GNL3L: variants seen among roughly 807,000 people sequenced by gnomAD.
GNL3L encodes G protein nucleolar 3 like.
In GNL3L, 4 loss-of-function variants were observed where a neutral mutation model predicts 42.9. The ratio of observed to expected loss-of-function variants is 0.09; its 90% CI spans 0.05 to 0.21. The LOEUF is 0.21. Ranked by LOEUF, GNL3L falls within the 10% of genes least tolerant of loss-of-function variation. The pLI, the probability that GNL3L is intolerant of heterozygous loss-of-function variation, is 1.00. For missense variants in GNL3L, 412 were observed against 481.7 expected (o/e 0.86, Z 1.36); for synonymous variants, 159 against 176.3 (o/e 0.90, Z 0.78).
intron 16 of GNL3L, among the ~76,000 whole-genome samples, chrX:54,592,677 A>C (rs1006302897): frequency 9.1e-6 from 1 of 110,425 alleles, no homozygotes; most frequent in Non-Finnish European, 1.9e-5. Context: ...TTAGCCAGGC[A>C]TGTGGCAGGT....
chrX:54,608,600 C>T lies in GNL3L; in HGVS notation c.*46-12245C>T, dbSNP rs190015541. On this transcript the variant is annotated intron_variant, in intron 16 of 16. Coordinates refer to the GNL3L transcript ENST00000674498. ...GCTCCCACATATCAGTGAGAACATACGATACTTGGTTTTCCATTCTTGAGT... is the reference window on the plus strand; with the variant it reads ...GCTCCCACATATCAGTGAGAACATATGATACTTGGTTTTCCATTCTTGAGT... Among the ~76,000 whole-genome samples, 392 of 110,994 alleles carry T rather than the reference C, an allele frequency of 3.5e-3. 2 individuals carry two copies. The highest frequency in any genetic ancestry group is 0.012 in the African/African-American group (362 of 30,566).
At position 54,547,386 on chromosome X, in the gene GNL3L, G is replaced by C. The variant is rs1368206475; in HGVS notation, c.631-843G>C. ...CTGTTTCTTATTGATGGATATATAG[G>C]CTAATTCCAATTTTGTGATATTGGA... is the stretch of plus-strand genomic sequence containing the variant. On this transcript the variant is annotated intron_variant, in intron 8 of 15. Coordinates refer to ENST00000360845, the MANE Select transcript of GNL3L (RefSeq NM_001184819.2). Among the ~76,000 whole-genome samples the C allele has an allele frequency of 4.5e-5, 5 of 111,236 alleles. No individual in the cohort carries two copies. In the East Asian group the frequency reaches 1.4e-3, roughly 32 times the overall value.
the GNL3L span, among the ~76,000 whole-genome samples, chrX:54,631,241 G>C: frequency 4.2e-4 from 47 of 111,538 alleles, no homozygotes; most frequent in Non-Finnish European, 8.7e-4. Context: ...GTAAATATCT[G>C]TTAAATCCAT....
chrX:54,595,773 C>T (rs923224013), intron 16 of GNL3L, among the ~76,000 whole-genome samples: 4 of 111,860 alleles, frequency 3.6e-5, no homozygotes, highest in African/African-American at 1.3e-4. Flanking sequence ...AGCCTGTTCT[C>T]AAACTTACTA....
At chrX:54,548,410 T>C (rs1424978676) in intron 9 of GNL3L, 37 bp downstream of exon 9, 1 of 1,119,066 alleles carries the variant, frequency 8.9e-7, no homozygotes, top group Non-Finnish European at 1.2e-6. Flanking sequence ...CTCAGGCTTC[T>C]TTCTTGAGCG....
intron 8 of GNL3L, among the ~76,000 whole-genome samples, chrX:54,546,156 C>T (rs1468508285): frequency 3.5e-5 from 4 of 112,679 alleles, no homozygotes; most frequent in East Asian, 2.8e-4. Flanking sequence ...CCACTGCACT[C>T]GGCCTTCTTC....
At chrX:54,622,308 G>A (rs1239051091), downstream of GNL3L, among the ~76,000 whole-genome samples, 1 of 81,238 alleles carries the variant, frequency 1.2e-5, no homozygotes, top group Non-Finnish European at 2.2e-5. Flanking sequence ...TTTTGGAGAC[G>A]GAGTCTTGCT....
At chrX:54,616,820 G>T (rs1790903546) in intron 16 of GNL3L, among the ~76,000 whole-genome samples, 1 of 111,865 alleles carries the variant, frequency 8.9e-6, no homozygotes, top group South Asian at 3.7e-4. Flanking sequence ...AATAGTATGA[G>T]CTTGTAAGGG....
chrX:54,580,939 C>G (rs750631567), intron 16 of GNL3L, among the ~76,000 whole-genome samples: 1 of 111,223 alleles, frequency 9.0e-6, no homozygotes, highest in Non-Finnish European at 1.9e-5. Flanking sequence ...TGCCACCACA[C>G]CTGGCTAATT....
chrX:54,557,374 C>G (rs1925126318), intron 14 of GNL3L, among the ~76,000 whole-genome samples: 1 of 109,486 alleles, frequency 9.1e-6, no homozygotes. Flanking sequence ...GCAATCCCCC[C>G]ACCTCAGCCT....
chrX:54,587,070 G>T (rs757892889), intron 16 of GNL3L, among the ~76,000 whole-genome samples: 17 of 111,500 alleles, frequency 1.5e-4, no homozygotes, highest in Non-Finnish European at 2.6e-4. Context: ...ACTGCCCAAC[G>T]GTTTGAGAAC....
At chrX:54,611,524 T>TC (rs1392658118) in intron 16 of GNL3L, among the ~76,000 whole-genome samples, 2 of 111,829 alleles carry the variant, frequency 1.8e-5, no homozygotes, top group Non-Finnish European at 3.8e-5. Context: ...CTTTGCTGTA[T>TC]CCCCAAGGTT....
chrX:54,639,887 G>C, the GNL3L span, among the ~76,000 whole-genome samples: 4 of 110,066 alleles, frequency 3.6e-5, no homozygotes, highest in Non-Finnish European at 7.6e-5. Context: ...CCCAGGCTGA[G>C]ACGCCTACTA....
chrX:54,547,000 C>CTT (rs748207972), intron 8 of GNL3L, among the ~76,000 whole-genome samples: 6 of 91,903 alleles, frequency 6.5e-5, no homozygotes, highest in Non-Finnish European at 1.3e-4. Flanking sequence ...TTTTTTTTTT[C>CTT]TTTTTTTTTT....
intron 16 of GNL3L, among the ~76,000 whole-genome samples, chrX:54,598,824 G>A (rs539147717): frequency 9.0e-6 from 1 of 111,279 alleles, no homozygotes; most frequent in Non-Finnish European, 1.9e-5. Context: ...AATATAAATC[G>A]CAAGATATAA....
At chrX:54,549,015 A>T (rs1347159295) in intron 9 of GNL3L, among the ~76,000 whole-genome samples, 1 of 111,590 alleles carries the variant, frequency 9.0e-6, no homozygotes, top group Non-Finnish European at 1.9e-5. Flanking sequence ...AGATACAATC[A>T]GAAACACCAA....
chrX:54,549,453 C>T (rs1924867236), intron 9 of GNL3L, among the ~76,000 whole-genome samples: 1 of 112,373 alleles, frequency 8.9e-6, no homozygotes, highest in Admixed American at 9.4e-5. Flanking sequence ...AGCCCCAGCA[C>T]TTTGGGAGGC....
At chrX:54,576,951 G>A (rs750959079) in intron 16 of GNL3L, among the ~76,000 whole-genome samples, 18 of 111,516 alleles carry the variant, frequency 1.6e-4, no homozygotes, top group Non-Finnish European at 3.4e-4. Context: ...GAACAGTTCT[G>A]TGACATTAAG....
intron 13 of GNL3L, 143 bp downstream of exon 13, chrX:54,552,571 TC>T (rs750704544): frequency 2.0e-6 from 1 of 506,099 alleles, no homozygotes; most frequent in Non-Finnish European, 3.2e-6. Flanking sequence ...AGGCCTAATT[TC>T]TTTTCTTGCA....
Sources: allele counts gnomAD v4.1 joint callset (sites outside exome capture counted in the v4.1 genomes callset), GRCh38; gene constraint gnomAD v4.1.1; transcripts MANE v1.5; gene names NCBI Gene and HGNC (gene_info 2026-07-23, HGNC 2026-07-21).